The following SAMMSON variants were observed in gnomAD, a reference collection of about 807,000 sequenced individuals.
SAMMSON encodes survival associated mitochondrial melanoma specific oncogenic non-coding RNA, also known as long intergenic non-protein coding RNA 1212.
chr3:70,315,814 C>T (rs113513368), intron 7 of SAMMSON, among the ~76,000 whole-genome samples: 35 of 152,058 alleles, frequency 2.3e-4, no homozygotes, highest in South Asian at 8.4e-4. Context: ...CCCAACCAAA[C>T]GCTCAAAAGT....
chr3:70,350,313 C>T (rs888734074), intron 7 of SAMMSON, among the ~76,000 whole-genome samples: 10 of 152,060 alleles, frequency 6.6e-5, no homozygotes, highest in Admixed American at 1.3e-4. Context: ...CATGTAGGTA[C>T]ATTGAAATTC....
chr3:70,151,275 A>G (rs2067571033), intron 4 of SAMMSON, among the ~76,000 whole-genome samples: 1 of 152,026 alleles, frequency 6.6e-6, no homozygotes. Context: ...TTGGTGCTGG[A>G]GCTCAGACTT....
chr3:70,263,593 C>A (rs957662285), intron 6 of SAMMSON, among the ~76,000 whole-genome samples: 7 of 152,112 alleles, frequency 4.6e-5, no homozygotes, highest in African/African-American at 1.7e-4. Context: ...TTTGTCATGC[C>A]TAGCCTCATA....
intron 4 of SAMMSON, chr3:70,206,601 G>T: frequency 2.5e-6 from 1 of 397,852 alleles, no homozygotes; most frequent in South Asian, 1.3e-4. Flanking sequence ...TGAAGTATCA[G>T]TTTGGAGGTA....
At chr3:70,067,260 GA>G (rs1452769570) in intron 3 of SAMMSON, among the ~76,000 whole-genome samples, 1 of 151,950 alleles carries the variant, frequency 6.6e-6, no homozygotes, top group Non-Finnish European at 1.5e-5. Flanking sequence ...TATTTTAAAA[GA>G]ACACTTTTAA....
At chr3:70,190,772 G>T (rs1701126458) in intron 4 of SAMMSON, among the ~76,000 whole-genome samples, 1 of 152,064 alleles carries the variant, frequency 6.6e-6, no homozygotes, top group Admixed American at 6.6e-5. Context: ...ACATTCTAAG[G>T]GATGTAATTT....
chr3:70,096,408 GT>G (rs1559790194), intron 4 of SAMMSON, among the ~76,000 whole-genome samples: 1 of 152,132 alleles, frequency 6.6e-6, no homozygotes, highest in Non-Finnish European at 1.5e-5. Flanking sequence ...GCTTGGTGCG[GT>G]GGCGCATACC....
chr3:70,138,158 G>A (rs1340170271), intron 4 of SAMMSON, among the ~76,000 whole-genome samples: 1 of 152,126 alleles, frequency 6.6e-6, no homozygotes, highest in Non-Finnish European at 1.5e-5. Context: ...GTCACAAAAA[G>A]TTTTTTGTGT....
At chr3:70,069,276 A>T (rs1455241530) in intron 3 of SAMMSON, 1 of 152,096 alleles carries the variant, frequency 6.6e-6, no homozygotes. Flanking sequence ...TTAATATTTC[A>T]CTTTTCAATC....
chr3:70,072,425 C>G (rs766569441), intron 4 of SAMMSON: 1 of 151,688 alleles, frequency 6.6e-6, no homozygotes, highest in Non-Finnish European at 1.5e-5. Context: ...CCCTACTCTT[C>G]AAACAACACT....
intron 7 of SAMMSON, among the ~76,000 whole-genome samples, chr3:70,348,966 C>T (rs1387760758): frequency 2.6e-5 from 4 of 152,170 alleles, no homozygotes; most frequent in Non-Finnish European, 5.9e-5. Flanking sequence ...GCAGGTCAAG[C>T]ATCCACCCAT....
chr3:70,263,023 A>T (rs1575609634), intron 6 of SAMMSON, among the ~76,000 whole-genome samples: 1 of 152,250 alleles, frequency 6.6e-6, no homozygotes, highest in East Asian at 1.9e-4. Flanking sequence ...CATTTCTCTA[A>T]AAATTTTATT....
intron 4 of SAMMSON, among the ~76,000 whole-genome samples, chr3:70,177,520 A>G (rs181171913): frequency 2.1e-4 from 32 of 152,332 alleles, no homozygotes; most frequent in Non-Finnish European, 1.9e-4. Flanking sequence ...TTGTCGAAGT[A>G]TCTAGATGGA....
intron 4 of SAMMSON, chr3:70,205,213 G>A (rs534250614): frequency 2.7e-4 from 41 of 152,150 alleles, no homozygotes; most frequent in African/African-American, 9.9e-4. Context: ...TTCAATATCT[G>A]GCAACTCTGG....
intron 7 of SAMMSON, among the ~76,000 whole-genome samples, chr3:70,348,156 G>A (rs796953470): frequency 3.9e-5 from 6 of 152,152 alleles, no homozygotes; most frequent in Non-Finnish European, 7.4e-5. Flanking sequence ...GGAGAGAAGG[G>A]AGGTTGTGAT....
intron 4 of SAMMSON, among the ~76,000 whole-genome samples, chr3:70,122,883 C>T (rs533587383): frequency 7.2e-5 from 11 of 152,276 alleles, no homozygotes; most frequent in African/African-American, 2.4e-4. Flanking sequence ...TTACTGTTCT[C>T]GAATGTCTTC....
At chr3:70,015,196 G>C (rs954723701) in intron 3 of SAMMSON, 4 of 152,212 alleles carry the variant, frequency 2.6e-5, no homozygotes, top group African/African-American at 9.7e-5. Context: ...CAGGAGAATG[G>C]TGTGAACCCT....
intron 3 of SAMMSON, chr3:70,030,222 T>A (rs1224512677): frequency 1.3e-5 from 2 of 152,172 alleles, no homozygotes; most frequent in Non-Finnish European, 1.5e-5. Context: ...TTTTAAAAAA[T>A]TTCACACATT....
At chr3:70,347,974 C>T (rs1337558568) in intron 7 of SAMMSON, among the ~76,000 whole-genome samples, 8 of 152,042 alleles carry the variant, frequency 5.3e-5, no homozygotes, top group Non-Finnish European at 1.2e-4. Flanking sequence ...ACCCAGGAGG[C>T]GGAGGTTACA....
Sources: allele counts gnomAD v4.1 joint callset (sites outside exome capture counted in the v4.1 genomes callset), GRCh38; gene constraint gnomAD v4.1.1; transcripts MANE v1.5; gene names NCBI Gene and HGNC (gene_info 2026-07-23, HGNC 2026-07-21).